ATR: variants seen among roughly 807,000 people sequenced by gnomAD.
ATR encodes serine/threonine-protein kinase ATR.
A neutral mutation model predicts 305.3 loss-of-function variants in ATR; 142 were observed. The ratio of observed to expected loss-of-function variants is 0.47; its 90% CI spans 0.41 to 0.53. The LOEUF (loss-of-function observed/expected upper bound fraction) is 0.53. Ranked by LOEUF, ATR falls within the 20% of genes least tolerant of loss-of-function variation. The pLI is 0.00. For synonymous variants in ATR, 1,050 were observed against 1,068.1 expected, an observed-to-expected ratio of 0.98 and a Z score of 0.33; for missense variants, 2,135 against 3,133.1, an observed-to-expected ratio of 0.68 and a Z score of 7.60.
At position 142,509,315 on chromosome 3, in the gene ATR, C is replaced by T. The variant is rs534564157; in HGVS notation, c.4853-1206G>A. Reference sequence around the variant, plus strand: ...AGTAGCTGGGACCATAGGCATGTGCCACCACGCCTGGCCAAGTTTTGTATT... The same window carrying T: ...AGTAGCTGGGACCATAGGCATGTGCTACCACGCCTGGCCAAGTTTTGTATT... On this transcript the variant is annotated intron_variant, in intron 27 of 46. Coordinates refer to ENST00000350721, the MANE Select transcript of ATR (RefSeq NM_001184.4). Among the ~76,000 whole-genome samples, 12 of 152,102 alleles carry T rather than the reference C, an allele frequency of 7.9e-5. No individual in the cohort carries two copies. The South Asian group carries it at 2.3e-3, about 29-fold the overall frequency.
At chr3:142,567,145 C>G (rs1350661831) in intron 2 of ATR, among the ~76,000 whole-genome samples, 3 of 152,190 alleles carry the variant, frequency 2.0e-5, no homozygotes, top group Admixed American at 6.5e-5. Flanking sequence ...ATATGCCAGG[C>G]AATGCTAAAA....
At chr3:142,556,282 G>T in intron 9 of ATR, 101 bp downstream of exon 9, 1 of 1,486,298 alleles carries the variant, frequency 6.7e-7, no homozygotes, top group Non-Finnish European at 9.2e-7. Context: ...AGCAACATTT[G>T]CTTTACATAT....
chr3:142,461,805 TTCTG>T lies in ATR; in HGVS notation c.7192+131_7192+134del, dbSNP rs917220906. 18 of 924,252 alleles carry T rather than the reference TTCTG, an allele frequency of 1.9e-5. No homozygotes were observed. The African/African-American group carries it at 2.5e-4, about 13-fold the overall frequency. 57.3% of individuals were successfully genotyped at this position (924,252 alleles called of 1,614,324 possible). A position where few individuals can be genotyped will look rare whatever the true frequency, so the allele number is the denominator to read the frequency against. ...GGAAGGGATGGAAACACTTAAGTGT[TTCTG>T]TATATAAAATCTAGAAATTTCACTA... On this transcript the variant is annotated intron_variant, in intron 42 of 46. Coordinates refer to ENST00000350721, the MANE Select transcript of ATR (RefSeq NM_001184.4).
intron 46 of ATR, chr3:142,451,104 A>C: frequency 2.4e-6 from 3 of 1,272,496 alleles, no homozygotes; most frequent in Non-Finnish European, 3.0e-6. Flanking sequence ...ATTGTGAAAC[A>C]GCCCCTGCTG....
intron 13 of ATR, among the ~76,000 whole-genome samples, chr3:142,552,838 CT>C (rs2108461240): frequency 6.6e-6 from 1 of 151,938 alleles, no homozygotes; most frequent in East Asian, 1.9e-4. Flanking sequence ...AGCCATTATC[CT>C]CAGCAAACTA....
Position 142,462,415 on chromosome 3 carries a change from C to G in ATR, c.7042-325G>C, listed in dbSNP as rs537017637. ...AATGCTGCTGTTTTATTTTCTATTG[C>G]TTTATAGGTATTACTGAAACATTAA... is the stretch of plus-strand genomic sequence containing the variant. On this transcript the variant is annotated intron_variant, in intron 41 of 46. Coordinates refer to ENST00000350721, the MANE Select transcript of ATR (RefSeq NM_001184.4). Among the ~76,000 whole-genome samples the G allele has an allele frequency of 1.4e-4, 21 of 151,598 alleles. No homozygotes were observed. In the East Asian group the frequency reaches 4.1e-3, roughly 29 times the overall value.
chr3:142,453,053 G>T (rs1221767212), intron 46 of ATR, 75 bp downstream of exon 46: 1 of 1,600,094 alleles, frequency 6.2e-7, no homozygotes, highest in Non-Finnish European at 8.5e-7. Flanking sequence ...ATAGAGATGA[G>T]AACTATAGCT....
rs112018640 is a variant in ATR, at chr3:142,496,391, G to A, written c.5868C>T (p.Tyr1956=). The change falls in exon 34 of 47, where the codon TAC becomes TAT. Residue 1956 remains tyrosine, a synonymous_variant. Coordinates refer to ENST00000350721, the MANE Select transcript of ATR (RefSeq NM_001184.4). The part of the protein sequence containing the change: ...NAGESRLAEL[Y]VERAKWLWSK... The stretch of plus-strand genomic sequence containing the variant: ...ACCAGAGCCACTTTGCCCTTTCCAC[G>A]TACAGTTCAGCGAGTCGTGATTCCC... The A allele has an allele frequency of 9.6e-3, 14,938 of 1,549,054 alleles. 289 individuals are homozygous for A. The highest frequency in any genetic ancestry group is 0.024 in the South Asian group (2,120 of 87,228).
At chr3:142,464,125 C>CTATT (rs995966854) in intron 41 of ATR, among the ~76,000 whole-genome samples, 3 of 152,034 alleles carry the variant, frequency 2.0e-5, no homozygotes, top group Non-Finnish European at 4.4e-5. Flanking sequence ...TTTTATTTAT[C>CTATT]TATTTATTTA....
intron 36 of ATR, among the ~76,000 whole-genome samples, chr3:142,483,449 TTTCTA>T (rs537163638): frequency 7.2e-4 from 110 of 152,352 alleles, no homozygotes; most frequent in African/African-American, 2.2e-3. Context: ...GAATAAGTAC[TTTCTA>T]CAAGTCTAAT....
Position 142,562,532 on chromosome 3 carries a change from G to A in ATR, c.870C>T (p.Leu290=), listed in dbSNP as rs142365176. 2.5e-6 allele frequency: 4 copies of A among 1,613,708 alleles called. No homozygotes were observed. The East Asian group carries it at 8.9e-5, about 36-fold the overall frequency. The change falls in exon 4 of 47, where the codon CTC becomes CTT. Residue 290 remains leucine, a synonymous_variant. Coordinates refer to ENST00000350721, the MANE Select transcript of ATR (RefSeq NM_001184.4). ...LVEMDTDQLK[L]YEEPLSKLIK... is the part of the protein sequence containing the mutation. ...TCAGCTTTGATAATGGCTCTTCATA[G>A]AGTTTCAATTGGTCAGTATCCATTT...
rs756710699 is a variant in ATR at position 142,496,537 on chromosome 3, C to A, written c.5739-17G>T. On this transcript the variant is annotated splice_polypyrimidine_tract_variant and intron_variant, in intron 33 of 46. Transcript: ENST00000350721. ...TAATCTGGTCTAAAGGAAGTAACAA[C>A]ACATTGGTGAGAGAGACCATTGGTA... 77 of 1,601,566 alleles carry A rather than the reference C, an allele frequency of 4.8e-5. No individual in the cohort carries two copies. Among genetic ancestry groups the A allele is most frequent in the Non-Finnish European group, 6.5e-5 (76 of 1,171,672 alleles).
rs2108479572 is a variant in ATR, at chr3:142,559,288, C to T, written c.1695G>A (p.Lys565=). The change falls in exon 7 of 47, where the codon AAG becomes AAA. Residue 565 remains lysine (K), a synonymous_variant. Coordinates refer to ENST00000350721, the MANE Select transcript of ATR (RefSeq NM_001184.4). ...QKLDLEATID[K]VVKIYDALIY... ...TCAAAGCATCATAAATTTTCACCAC[C>T]TTATCAATGGTTGCCTCCAGGTCCA... The T allele has an allele frequency of 6.2e-7, 1 of 1,613,984 alleles. No individual in the cohort carries two copies. Among genetic ancestry groups the T allele is most frequent in the Non-Finnish European group, 8.5e-7 (1 of 1,179,950 alleles).
intron 36 of ATR, among the ~76,000 whole-genome samples, chr3:142,483,693 T>A (rs1229007298): frequency 2.0e-5 from 3 of 151,800 alleles, no homozygotes; most frequent in African/African-American, 7.3e-5. Flanking sequence ...AAAAATTAAC[T>A]GGGTGTGGTG....
In ATR at chr3:142,515,537, T is replaced by G. The variant is rs2032823551; in HGVS notation, c.4383-22A>C. ...GTATCTGTAATTTTGAAAATTTGTTTATTAAAAAGATAAATCCACCTGTTT... is the reference window on the plus strand; with the variant it reads ...GTATCTGTAATTTTGAAAATTTGTTGATTAAAAAGATAAATCCACCTGTTT... On this transcript the variant is annotated intron_variant, in intron 24 of 46. Coordinates refer to ENST00000350721, the MANE Select transcript of ATR (RefSeq NM_001184.4). The G allele has an allele frequency of 2.5e-6, 4 of 1,595,330 alleles. No homozygotes were observed. The East Asian group carries it at 9.0e-5, about 36-fold the overall frequency.
intron 1 of ATR, among the ~76,000 whole-genome samples, chr3:142,572,668 A>G (rs768627918): frequency 2.6e-5 from 4 of 151,978 alleles, no homozygotes; most frequent in Non-Finnish European, 5.9e-5. Flanking sequence ...CCAGCTACTC[A>G]GGAGGCTGAG....
At chr3:142,502,433 A>C (rs2032020581) in intron 30 of ATR, among the ~76,000 whole-genome samples, 1 of 152,006 alleles carries the variant, frequency 6.6e-6, no homozygotes, top group Non-Finnish European at 1.5e-5. Context: ...CATGGACACA[A>C]AAATGGGAAC....
intron 44 of ATR, among the ~76,000 whole-genome samples, chr3:142,458,469 T>C (rs2070954810): frequency 6.6e-6 from 1 of 152,198 alleles, no homozygotes; most frequent in Non-Finnish European, 1.5e-5. Flanking sequence ...GATTATAATA[T>C]TGGAAAATTG....
At chr3:142,560,169 C>G in intron 6 of ATR, 94 bp downstream of exon 6, 1 of 1,273,006 alleles carries the variant, frequency 7.9e-7, no homozygotes, top group African/African-American at 1.5e-5. Flanking sequence ...AGTTTGTGTT[C>G]TAAGGTTACA....
Sources: gnomAD v4.1 joint callset for allele counts (sites outside exome capture counted in the v4.1 genomes callset) on GRCh38, gnomAD v4.1.1 for gene constraint, MANE v1.5 for transcripts, NCBI Gene and HGNC (gene_info 2026-07-23, HGNC 2026-07-21) for gene names.